TMOD3: variants seen among roughly 807,000 people sequenced by gnomAD.
The protein encoded by TMOD3 is tropomodulin-3.
Under a neutral mutation model 39.2 loss-of-function variants are expected in TMOD3, and 20 were observed. The observed-to-expected ratio is 0.51, with a 90% CI of 0.36 to 0.74. The LOEUF (loss-of-function observed/expected upper bound fraction) is 0.74. TMOD3 is among the 30% of genes least tolerant of loss of function. TMOD3 has a pLI of 0.00. For synonymous variants in TMOD3, 143 were observed against 145.8 expected (o/e 0.98, Z 0.14); for missense variants, 381 against 412.8 (o/e 0.92, Z 0.67).
intron 9 of TMOD3, among the ~76,000 whole-genome samples, chr15:51,908,136 A>T (rs1408434370): frequency 2.0e-5 from 3 of 152,258 alleles, no homozygotes; most frequent in Non-Finnish European, 4.4e-5. Flanking sequence ...GCCTAAGGAA[A>T]TACATTGTAG....
intron 8 of TMOD3, among the ~76,000 whole-genome samples, chr15:51,900,521 G>T (rs1004372916): frequency 5.9e-5 from 9 of 152,178 alleles, no homozygotes; most frequent in African/African-American, 2.2e-4. Flanking sequence ...CATTTTAAGA[G>T]AATTTAGATG....
intron 5 of TMOD3, among the ~76,000 whole-genome samples, chr15:51,891,329 G>A (rs2056592381): frequency 6.7e-6 from 1 of 149,032 alleles, no homozygotes. Flanking sequence ...GGATTTGGCT[G>A]ATTTCAACCT....
chr15:51,862,794 G>T lies in TMOD3; in HGVS notation c.-74-17G>T, dbSNP rs1446407736. On this transcript the variant is annotated splice_polypyrimidine_tract_variant and intron_variant, in intron 1 of 9. Coordinates refer to ENST00000308580, the MANE Select transcript of TMOD3 (RefSeq NM_014547.5). Reference sequence around the variant, plus strand: ...ATGACTTACTATTTAAAATGTATTTGTTTCTTCTCTCCATAGCTTTAAGAA... The same window carrying T: ...ATGACTTACTATTTAAAATGTATTTTTTTCTTCTCTCCATAGCTTTAAGAA... 7.7e-7 allele frequency: 1 copy of T among 1,300,852 alleles called. No homozygotes were observed. The highest frequency in any genetic ancestry group is 1.0e-6 in the Non-Finnish European group (1 of 960,812). 80.6% of individuals were successfully genotyped at this position (1,300,852 alleles called of 1,614,324 possible).
At chr15:51,894,030 A>G (rs2056608784) in intron 6 of TMOD3, 85 bp downstream of exon 6, 3 of 1,236,980 alleles carry the variant, frequency 2.4e-6, no homozygotes, top group Non-Finnish European at 3.2e-6. Context: ...AAAATAGTCT[A>G]ATTCTTTCTA....
intron 2 of TMOD3, among the ~76,000 whole-genome samples, chr15:51,863,287 G>C (rs2056428516): frequency 6.6e-6 from 1 of 152,184 alleles, no homozygotes; most frequent in Non-Finnish European, 1.5e-5. Context: ...TGTGCAGGAA[G>C]GGATATTTTT....
At chr15:51,830,276 A>C (rs1234658519) in intron 1 of TMOD3, among the ~76,000 whole-genome samples, 1 of 151,984 alleles carries the variant, frequency 6.6e-6, no homozygotes, top group Non-Finnish European at 1.5e-5. Context: ...GCCAAAACTT[A>C]GGGCACACCC....
intron 3 of TMOD3, among the ~76,000 whole-genome samples, chr15:51,871,786 C>G (rs2056476204): frequency 6.6e-6 from 1 of 151,290 alleles, no homozygotes; most frequent in Non-Finnish European, 1.5e-5. Flanking sequence ...TCTTTGTCCT[C>G]CTATGTATCT....
At chr15:51,906,422 T>C (rs1356290071) in intron 9 of TMOD3, among the ~76,000 whole-genome samples, 1 of 152,208 alleles carries the variant, frequency 6.6e-6, no homozygotes, top group Admixed American at 6.5e-5. Context: ...CTCTCATTGT[T>C]TTCTTAGTCT....
chr15:51,899,075 G>C (rs1168537519), intron 7 of TMOD3: 3 of 152,204 alleles, frequency 2.0e-5, no homozygotes, highest in Admixed American at 1.3e-4. Context: ...TGCTCTTCTG[G>C]TTCTGGTTAT....
chr15:51,907,920 C>G (rs1284442057), intron 9 of TMOD3, among the ~76,000 whole-genome samples: 2 of 152,210 alleles, frequency 1.3e-5, no homozygotes, highest in Non-Finnish European at 2.9e-5. Flanking sequence ...AGTTGACTGG[C>G]CACTTAGGCA....
intron 1 of TMOD3, among the ~76,000 whole-genome samples, chr15:51,845,417 A>G (rs774900080): frequency 2.0e-5 from 3 of 152,200 alleles, no homozygotes; most frequent in Non-Finnish European, 4.4e-5. Flanking sequence ...GCTCACCCTC[A>G]GTCTGATGCT....
At chr15:51,871,312 G>C (rs974963022) in intron 3 of TMOD3, among the ~76,000 whole-genome samples, 3 of 152,176 alleles carry the variant, frequency 2.0e-5, no homozygotes, top group Admixed American at 6.5e-5. Flanking sequence ...TATTTTCTCT[G>C]TGCAGCCATA....
At chr15:51,831,860 G>A (rs1287434473) in intron 1 of TMOD3, among the ~76,000 whole-genome samples, 1 of 151,946 alleles carries the variant, frequency 6.6e-6, no homozygotes, top group African/African-American at 2.4e-5. Flanking sequence ...ACAAAGCAAT[G>A]TTTCAGGCTC....
At chr15:51,892,832 C>A (rs1477510108) in intron 5 of TMOD3, among the ~76,000 whole-genome samples, 1 of 152,110 alleles carries the variant, frequency 6.6e-6, no homozygotes, top group Non-Finnish European at 1.5e-5. Flanking sequence ...TTGCCAAAAA[C>A]AAATGGCATC....
At chr15:51,888,653 C>CAA (rs1322112100) in intron 4 of TMOD3, among the ~76,000 whole-genome samples, 1 of 152,138 alleles carries the variant, frequency 6.6e-6, no homozygotes, top group Non-Finnish European at 1.5e-5. Context: ...ATGAGATTAA[C>CAA]ACACATTAAA....
chr15:51,870,095 C>T (rs1406846199), intron 3 of TMOD3, among the ~76,000 whole-genome samples: 6 of 152,166 alleles, frequency 3.9e-5, no homozygotes, highest in Admixed American at 2.6e-4. Flanking sequence ...CACACCAGCA[C>T]GTCTGGCTAA....
chr15:51,898,055 G>A (rs989990570), intron 7 of TMOD3, among the ~76,000 whole-genome samples: 1 of 152,134 alleles, frequency 6.6e-6, no homozygotes, highest in Non-Finnish European at 1.5e-5. Context: ...TAAGTTAAAT[G>A]ACCTCATTCC....
intron 9 of TMOD3, among the ~76,000 whole-genome samples, chr15:51,905,970 A>AG (rs1566869596): frequency 1.3e-5 from 2 of 151,008 alleles, no homozygotes; most frequent in Non-Finnish European, 3.0e-5. Flanking sequence ...AAAAAAAAAA[A>AG]AAAAAAAAAA....
intron 3 of TMOD3, among the ~76,000 whole-genome samples, chr15:51,880,183 T>C (rs775352154): frequency 2.6e-5 from 4 of 152,190 alleles, no homozygotes; most frequent in Non-Finnish European, 4.4e-5. Context: ...AGTACAAATA[T>C]ACTGTATCTG....
Sources: allele counts gnomAD v4.1 joint callset (sites outside exome capture counted in the v4.1 genomes callset), GRCh38; gene constraint gnomAD v4.1.1; transcripts MANE v1.5; gene names NCBI Gene and HGNC (gene_info 2026-07-23, HGNC 2026-07-21).